Variants in GCNT2 observed in about 807,000 individuals in gnomAD.
GCNT2 encodes N-acetyllactosaminide beta-1,6-N-acetylglucosaminyl-transferase.
Under a neutral mutation model 34.2 loss-of-function variants are expected in GCNT2, and 34 were observed. The observed-to-expected ratio is 1.00, with a 90% CI of 0.76 to 1.32. The LOEUF is 1.32. Among genes scored for constraint, GCNT2 ranks in the 40% most tolerant of loss-of-function variants. The pLI, the probability that GCNT2 is intolerant of heterozygous loss-of-function variation, is 0.00. For synonymous variants in GCNT2, 212 were observed against 188.0 expected (o/e 1.13, Z -1.04); for missense variants, 584 against 489.4 (o/e 1.19, Z -1.82).
intron 3 of GCNT2, among the ~76,000 whole-genome samples, chr6:10,544,451 A>G (rs967483995): frequency 1.3e-5 from 2 of 150,658 alleles, no homozygotes; most frequent in African/African-American, 4.9e-5. Context: ...AAAAACGCAA[A>G]AAAATTAGCA....
chr6:10,546,586 G>A (rs1028454846), intron 3 of GCNT2, among the ~76,000 whole-genome samples: 1 of 152,106 alleles, frequency 6.6e-6, no homozygotes, highest in South Asian at 2.1e-4. Context: ...TTGAACCCAG[G>A]GGGCGGAGGT....
intron 3 of GCNT2, among the ~76,000 whole-genome samples, chr6:10,589,224 GTGTA>G (rs1243812005): frequency 6.9e-6 from 1 of 145,874 alleles, no homozygotes; most frequent in African/African-American, 2.5e-5. Context: ...TGTGTTTGCA[GTGTA>G]TGTATCTGGT....
chr6:10,609,780 A>AG (rs142527540), intron 3 of GCNT2, among the ~76,000 whole-genome samples: 18,598 of 152,160 alleles, frequency 0.12, 1,752 homozygotes, highest in African/African-American at 0.26. Flanking sequence ...AGCTGGGTCC[A>AG]GGGGAACAAA....
At chr6:10,578,622 ATTT>A (rs1763932479) in intron 3 of GCNT2, among the ~76,000 whole-genome samples, 1 of 151,250 alleles carries the variant, frequency 6.6e-6, no homozygotes, top group Admixed American at 6.6e-5. Context: ...AATTTTTTGT[ATTT>A]TTAGTAGAGA....
At chr6:10,585,654 A>C in intron 3 of GCNT2, 1 of 532,336 alleles carries the variant, frequency 1.9e-6, no homozygotes, top group East Asian at 5.7e-5. Context: ...TGCATTCCAG[A>C]ACGTAATTTG....
intron 3 of GCNT2, chr6:10,556,085 A>C (rs749677628): frequency 1.7e-6 from 2 of 1,203,246 alleles, no homozygotes; most frequent in Non-Finnish European, 1.0e-6. Context: ...ATGGGAAACT[A>C]AATCTGCCGG....
chr6:10,578,158 A>G (rs1253759899), intron 3 of GCNT2, among the ~76,000 whole-genome samples: 1 of 151,966 alleles, frequency 6.6e-6, no homozygotes, highest in East Asian at 2.0e-4. Context: ...TGGGAGGCCA[A>G]GGTAGGTGGA....
intron 3 of GCNT2, among the ~76,000 whole-genome samples, chr6:10,616,628 T>G (rs1408561319): frequency 6.6e-6 from 1 of 151,298 alleles, no homozygotes; most frequent in Non-Finnish European, 1.5e-5. Context: ...CCCTTAGACA[T>G]AAAGGTTCTC....
chr6:10,608,838 C>T (rs1308326785), intron 3 of GCNT2, among the ~76,000 whole-genome samples: 1 of 152,140 alleles, frequency 6.6e-6, no homozygotes, highest in Non-Finnish European at 1.5e-5. Flanking sequence ...TGTGGCAGGA[C>T]ATTTGGGTGT....
intron 3 of GCNT2, chr6:10,586,485 A>G (rs775823126): frequency 3.7e-6 from 6 of 1,614,232 alleles, no homozygotes; most frequent in Non-Finnish European, 4.2e-6. Flanking sequence ...AGGCATTTCC[A>G]GACTCCAGGC....
intron 3 of GCNT2, among the ~76,000 whole-genome samples, chr6:10,578,875 A>G (rs1025471219): frequency 1.6e-4 from 24 of 152,194 alleles, no homozygotes; most frequent in Middle Eastern, 3.2e-3. Flanking sequence ...TAAGGCAGAT[A>G]TCTGGATTAA....
chr6:10,529,881 T>TG (rs780980654), intron 3 of GCNT2, 45 bp downstream of exon 3: 1 of 1,382,872 alleles, frequency 7.2e-7, no homozygotes, highest in South Asian at 1.2e-5. Flanking sequence ...AAACACTGCA[T>TG]GGTCAATACT....
intron 3 of GCNT2, among the ~76,000 whole-genome samples, chr6:10,541,544 C>G (rs528155798): frequency 2.4e-4 from 36 of 152,064 alleles, no homozygotes; most frequent in Non-Finnish European, 4.3e-4. Context: ...GGGTCAAATT[C>G]CTATACGTTT....
chr6:10,594,420 G>T (rs887570636), intron 3 of GCNT2, among the ~76,000 whole-genome samples: 7 of 152,268 alleles, frequency 4.6e-5, no homozygotes, highest in African/African-American at 1.4e-4. Flanking sequence ...TGATATTTGG[G>T]ATGTACTCAT....
At chr6:10,573,805 T>G (rs1763664133) in intron 3 of GCNT2, among the ~76,000 whole-genome samples, 1 of 152,142 alleles carries the variant, frequency 6.6e-6, no homozygotes, top group Non-Finnish European at 1.5e-5. Context: ...AGGCTGCAAT[T>G]GGGAATGAAA....
At chr6:10,550,407 C>T (rs1013059584) in intron 3 of GCNT2, among the ~76,000 whole-genome samples, 15 of 151,690 alleles carry the variant, frequency 9.9e-5, no homozygotes, top group Non-Finnish European at 1.5e-4. Flanking sequence ...AAAAAAAAAT[C>T]GAGTAATTTT....
chr6:10,589,375 AGTGTGGTGTGTGTTTGTAGT>A (rs1561822476), intron 3 of GCNT2, among the ~76,000 whole-genome samples: 1 of 114,208 alleles, frequency 8.8e-6, no homozygotes, highest in African/African-American at 3.2e-5. Flanking sequence ...GTGTGTTTGT[AGTGTGGTGTGTGTTTGTAGT>A]GTGTGGTGTG....
intron 3 of GCNT2, among the ~76,000 whole-genome samples, chr6:10,579,970 C>G (rs987663537): frequency 6.6e-6 from 1 of 152,100 alleles, no homozygotes; most frequent in African/African-American, 2.4e-5. Flanking sequence ...GGGACCTGAG[C>G]CTGCCAGTTT....
chr6:10,582,301 A>G lies in GCNT2; in HGVS notation c.926-39050A>G, dbSNP rs1257585115. Among the ~76,000 whole-genome samples, 15 of 119,360 alleles carry G rather than the reference A, an allele frequency of 1.3e-4. No individual in the cohort carries two copies. In the East Asian group the frequency reaches 3.2e-3, roughly 25 times the overall value. The allele number at this position is 119,360 out of a possible 152,430, so 78.3% of individuals were successfully genotyped here. ...ATAAATATATATAATATTACTATATATTTAATATATAGTAATATTAAATAT... is the reference window on the plus strand; with the variant it reads ...ATAAATATATATAATATTACTATATGTTTAATATATAGTAATATTAAATAT... On this transcript the variant is annotated intron_variant, in intron 3 of 4. Coordinates refer to ENST00000495262, the MANE Select transcript of GCNT2 (RefSeq NM_145649.5).
Sources: gnomAD v4.1 joint callset for allele counts (sites outside exome capture counted in the v4.1 genomes callset) on GRCh38, gnomAD v4.1.1 for gene constraint, MANE v1.5 for transcripts, NCBI Gene and HGNC (gene_info 2026-07-23, HGNC 2026-07-21) for gene names.